Variants in KSR1 observed in about 807,000 individuals in gnomAD.
KSR1 encodes kinase suppressor of ras 1, also known as kinase suppressor of ras.
Under a neutral mutation model 92.9 loss-of-function variants are expected in KSR1, and 35 were observed. That is an observed-to-expected ratio of 0.38 (90% CI 0.29 to 0.50). KSR1 has a LOEUF of 0.50. KSR1 is among the 20% of genes least tolerant of loss of function. KSR1 has a pLI of 0.94. For synonymous variants in KSR1, 467 were observed against 472.6 expected (o/e 0.99, Z 0.15); for missense variants, 972 against 1,158.5 (o/e 0.84, Z 2.34).
chr17:27,608,955 G>C (rs2073840679), intron 15 of KSR1, among the ~76,000 whole-genome samples: 1 of 152,194 alleles, frequency 6.6e-6, no homozygotes, highest in Non-Finnish European at 1.5e-5. Context: ...TAGAAGCATG[G>C]TAACATTAAA....
chr17:27,463,678 A>C (rs1419996275), intron 1 of KSR1, among the ~76,000 whole-genome samples: 2 of 152,246 alleles, frequency 1.3e-5, no homozygotes, highest in South Asian at 4.1e-4. Flanking sequence ...CCTTGCTCCA[A>C]GATAGCGGAG....
chr17:27,499,672 A>G (rs2069108804), intron 1 of KSR1, among the ~76,000 whole-genome samples: 1 of 152,204 alleles, frequency 6.6e-6, no homozygotes, highest in African/African-American at 2.4e-5. Flanking sequence ...GCTATTGGCA[A>G]GGCACTCATG....
intron 5 of KSR1, 187 bp downstream of exon 5, chr17:27,585,848 G>T: frequency 1.6e-6 from 1 of 633,512 alleles, no homozygotes. Context: ...GTGACTGGCT[G>T]GCTTCAGCCC....
At chr17:27,477,534 C>G (rs561067243) in intron 1 of KSR1, among the ~76,000 whole-genome samples, 83 of 152,254 alleles carry the variant, frequency 5.5e-4, no homozygotes, top group Non-Finnish European at 4.4e-5. Context: ...TTTGCAGTTT[C>G]TTTGTCACAG....
intron 19 of KSR1, 147 bp from the exon 20 acceptor site, chr17:27,621,046 G>C (rs1475499286): frequency 1.0e-5 from 4 of 393,574 alleles, no homozygotes; most frequent in African/African-American, 2.1e-5. Flanking sequence ...TTTTATTTTC[G>C]GGGGGTGGCG....
intron 1 of KSR1, among the ~76,000 whole-genome samples, chr17:27,505,898 C>T (rs1290386503): frequency 1.3e-5 from 2 of 152,168 alleles, no homozygotes; most frequent in South Asian, 2.1e-4. Flanking sequence ...TCTCAGCCCA[C>T]CCACTATGGG....
At chr17:27,520,012 T>C (rs1478360742) in intron 1 of KSR1, among the ~76,000 whole-genome samples, 1 of 152,148 alleles carries the variant, frequency 6.6e-6, no homozygotes, top group East Asian at 1.9e-4. Context: ...ATGGCAGAGG[T>C]GGTGCTTTGC....
rs548393640 is a variant in KSR1 at position 27,591,384 on chromosome 17, A to T, written c.1130+490A>T. ...ATAGGGAACAGTGTGGGCTAGGCAG[A>T]GTGTGTCCCCTGCTGTCCGGCTGTC... On this transcript the variant is annotated intron_variant, in intron 7 of 20. Transcript: ENST00000644974. Among the ~76,000 whole-genome samples, 12 of 152,294 alleles carry T rather than the reference A, an allele frequency of 7.9e-5. No homozygotes were observed. The East Asian group carries it at 2.3e-3, about 29-fold the overall frequency.
chr17:27,510,664 C>T (rs8075860), intron 1 of KSR1, among the ~76,000 whole-genome samples: 1 of 152,034 alleles, frequency 6.6e-6, no homozygotes, highest in Non-Finnish European at 1.5e-5. Context: ...TGAGGCTGCA[C>T]TGCCGTCCGT....
chr17:27,511,006 C>T (rs2069579775), intron 1 of KSR1, among the ~76,000 whole-genome samples: 1 of 152,198 alleles, frequency 6.6e-6, no homozygotes, highest in African/African-American at 2.4e-5. Flanking sequence ...AAGACAGAGT[C>T]TCAGAAGGTG....
intron 3 of KSR1, among the ~76,000 whole-genome samples, chr17:27,581,398 A>AC (rs376731572): frequency 1.3e-4 from 19 of 151,442 alleles, no homozygotes; most frequent in African/African-American, 4.1e-4. Flanking sequence ...CACTAGGCTG[A>AC]CCCCCCCAGC....
rs778127945 is a variant in KSR1, at chr17:27,582,825, C to T, written c.700C>T (p.Pro234Ser). 6.2e-7 allele frequency: 1 copy of T among 1,613,482 alleles called. No homozygotes were observed. The highest frequency in any genetic ancestry group is 1.3e-5 in the African/African-American group (1 of 75,018). Residue 234 changes from proline to serine, a missense_variant, in exon 4 of 21, where the codon CCC becomes TCC. Physicochemically the swap from Pro to Ser is moderately conservative, Grantham distance 74. This residue lies in a region of KSR1 where 611 missense variants were observed against 668.0 expected (regional missense o/e 0.91). Coordinates refer to ENST00000644974, the MANE Select transcript of KSR1 (RefSeq NM_001394583.1). The part of the protein sequence containing the change: ...GPRSISVSAL[P>S]ASDSPTPSFS... ...ACGCTCCATCTCCGTGTCAGCTCTG[C>T]CCGCCTCAGACTCCCCCACCCCCAG...
At chr17:27,497,150 T>G (rs571545087) in intron 1 of KSR1, among the ~76,000 whole-genome samples, 1 of 152,230 alleles carries the variant, frequency 6.6e-6, no homozygotes, top group Non-Finnish European at 1.5e-5. Context: ...CTCTTTGCGA[T>G]ATGAGACAGC....
At chr17:27,540,453 T>G (rs2070917599) in intron 1 of KSR1, among the ~76,000 whole-genome samples, 1 of 152,156 alleles carries the variant, frequency 6.6e-6, no homozygotes, top group Non-Finnish European at 1.5e-5. Context: ...TTAGACTTGT[T>G]TGTTTGTGTT....
chr17:27,504,844 G>A (rs900048638), intron 1 of KSR1, among the ~76,000 whole-genome samples: 1 of 152,172 alleles, frequency 6.6e-6, no homozygotes, highest in African/African-American at 2.4e-5. Flanking sequence ...GCCAGGAGCC[G>A]GCTTATCCTG....
At chr17:27,553,194 G>C (rs1465900320) in intron 2 of KSR1, among the ~76,000 whole-genome samples, 1 of 152,220 alleles carries the variant, frequency 6.6e-6, no homozygotes, top group Admixed American at 6.5e-5. Flanking sequence ...ACAGGCAGTT[G>C]TGAAAGTCAA....
At chr17:27,554,762 C>T (rs906147858) in intron 2 of KSR1, among the ~76,000 whole-genome samples, 15 of 152,332 alleles carry the variant, frequency 9.8e-5, no homozygotes, top group South Asian at 4.1e-4. Context: ...CTCCCTGTCC[C>T]TGGAAAAATT....
rs1203045307 is a variant in KSR1, at chr17:27,624,458, G to C, written c.*1066G>C. 1.3e-5 allele frequency: 2 copies of C among 152,294 alleles called. No homozygotes were observed. Among genetic ancestry groups the C allele is most frequent in the Non-Finnish European group, 2.9e-5 (2 of 68,156 alleles). 9.4% of individuals were successfully genotyped at this position (152,294 alleles called of 1,614,324 possible). ...TCTGAGTTCAGCTGGGCAGTGTGTGGGCTATCACCCCTTTCATTTAGACCT... is the reference window on the plus strand; with the variant it reads ...TCTGAGTTCAGCTGGGCAGTGTGTGCGCTATCACCCCTTTCATTTAGACCT... On this transcript the variant is annotated 3_prime_UTR_variant, in exon 21 of 21. Coordinates refer to ENST00000644974, the MANE Select transcript of KSR1 (RefSeq NM_001394583.1).
chr17:27,465,925 C>G lies in KSR1; in HGVS notation c.231+9051C>G, dbSNP rs535790605. Among the ~76,000 whole-genome samples the G allele has an allele frequency of 5.3e-5, 8 of 152,256 alleles. No homozygotes were observed. In the South Asian group the frequency reaches 1.7e-3, roughly 32 times the overall value. ...GGAGCTATCTGGAGAGCTCCTACCC[C>G]ACTCCCACCAAGGCCTGGGCCCTTA... On this transcript the variant is annotated intron_variant, in intron 1 of 20. Transcript: ENST00000644974.
Sources: gnomAD v4.1 joint callset for allele counts (sites outside exome capture counted in the v4.1 genomes callset) on GRCh38, gnomAD v4.1.1 for gene constraint, gnomAD v4.1.1 regional missense constraint, MANE v1.5 for transcripts, NCBI Gene and HGNC (gene_info 2026-07-23, HGNC 2026-07-21) for gene names.